The following ANAPC7 variants were observed in gnomAD, a reference collection of about 807,000 sequenced individuals.
ANAPC7 encodes the protein anaphase promoting complex subunit 7, also known as anaphase-promoting complex subunit 7.
In ANAPC7, 25 loss-of-function variants were observed where a neutral mutation model predicts 63.3. The observed-to-expected ratio is 0.39, with a 90% CI of 0.29 to 0.55. ANAPC7 has a LOEUF of 0.55. Among genes scored for constraint, ANAPC7 ranks in the 20% least tolerant of loss-of-function variants. The probability of loss-of-function intolerance (pLI) is 0.57; values close to 1 mark genes in which losing one functional copy is unlikely to be tolerated. For missense variants in ANAPC7, 516 were observed against 691.7 expected, an observed-to-expected ratio of 0.75 and a Z score of 2.85; for synonymous variants, 241 against 251.7, an observed-to-expected ratio of 0.96 and a Z score of 0.40.
At chr12:110,396,505 T>C (rs1592927317) in intron 1 of ANAPC7, 53 bp from the exon 2 acceptor site, 11 of 1,340,638 alleles carry the variant, frequency 8.2e-6, no homozygotes, top group East Asian at 2.5e-5. Context: ...CAATCCAAGC[T>C]CCCCCAGCTT....
chr12:110,380,725 C>G (rs1409055439), intron 8 of ANAPC7, among the ~76,000 whole-genome samples: 1 of 149,546 alleles, frequency 6.7e-6, no homozygotes. Context: ...GAGGCCGAGG[C>G]GGGCGGATCA....
chr12:110,387,895 A>G lies in ANAPC7; in HGVS notation c.521-3T>C. Reference sequence around the variant, plus strand: ...TTTTACAGAAAGGGACAACAAGCCTAAACCAACAGAAAGCAGAAGAAAGAA... The same window carrying G: ...TTTTACAGAAAGGGACAACAAGCCTGAACCAACAGAAAGCAGAAGAAAGAA... On this transcript the variant is annotated splice_polypyrimidine_tract_variant and splice_region_variant and intron_variant, in intron 4 of 10. Transcript: ENST00000455511. 1 of 1,612,736 alleles carries G rather than the reference A, an allele frequency of 6.2e-7. No individual in the cohort carries two copies. The highest frequency in any genetic ancestry group is 1.3e-5 in the African/African-American group (1 of 75,034).
At chr12:110,385,366 G>A (rs1174342979) in intron 6 of ANAPC7, among the ~76,000 whole-genome samples, 3 of 152,152 alleles carry the variant, frequency 2.0e-5, no homozygotes, top group Non-Finnish European at 2.9e-5. Flanking sequence ...CCCATCTCTT[G>A]CCACCATTCT....
intron 1 of ANAPC7, among the ~76,000 whole-genome samples, chr12:110,402,474 C>T (rs955591397): frequency 2.0e-5 from 3 of 151,916 alleles, no homozygotes; most frequent in African/African-American, 4.8e-5. Flanking sequence ...GGACTACAGG[C>T]GCCCGCCACC....
intron 3 of ANAPC7, among the ~76,000 whole-genome samples, chr12:110,389,081 T>TAAAAA (rs778746037): frequency 6.4e-4 from 63 of 98,178 alleles, no homozygotes; most frequent in Non-Finnish European, 8.3e-4. Context: ...GACTCCATCT[T>TAAAAA]AAAAAAAAAA....
At chr12:110,383,733 G>A (rs1429574546) in intron 6 of ANAPC7, among the ~76,000 whole-genome samples, 1 of 151,386 alleles carries the variant, frequency 6.6e-6, no homozygotes, top group South Asian at 2.1e-4. Context: ...AAAATTAGCT[G>A]GGCATGGTGG....
At chr12:110,386,542 T>C (rs1882469607) in intron 5 of ANAPC7, 73 bp from the exon 6 acceptor site, 1 of 1,285,094 alleles carries the variant, frequency 7.8e-7, no homozygotes, top group Non-Finnish European at 1.1e-6. Context: ...TCTGGATGAT[T>C]GGTCATACAG....
Position 110,387,874 on chromosome 12 carries a change from A to T in ANAPC7, c.539T>A (p.Val180Glu), listed in dbSNP as rs1882752195. Reference sequence around the variant, plus strand: ...CATGGATGCCACCTCTGCCCCTTTTACAGAAAGGGACAACAAGCCTAAACC... The same window carrying T: ...CATGGATGCCACCTCTGCCCCTTTTTCAGAAAGGGACAACAAGCCTAAACC... ...DAILGLLSLSVKGAEVASMTM... is the reference protein window; with the variant it reads ...DAILGLLSLSEKGAEVASMTM... The change falls in exon 5 of 11, where the codon GTA (valine) becomes GAA (glutamate). Residue 180 changes from valine to glutamate, a missense_variant. This residue lies in a region of ANAPC7 where 10 missense variants were observed against 30.1 expected (regional missense o/e 0.33). Transcript: ENST00000455511. The T allele has an allele frequency of 6.2e-7, 1 of 1,614,024 alleles. No homozygotes were observed.
intron 1 of ANAPC7, 48 bp from the exon 2 acceptor site, chr12:110,396,500 C>G (rs746263951): frequency 7.0e-7 from 1 of 1,425,528 alleles, no homozygotes; most frequent in Non-Finnish European, 9.5e-7. Context: ...CCTTTCAATC[C>G]AAGCTCCCCC....
chr12:110,391,985 G>A lies in ANAPC7; in HGVS notation c.408+3116C>T, dbSNP rs866900699. ...CACACGCCTGTAGTCCCAGCTACTC[G>A]GGAGGCTGAGGTAGGGGAATCGCTT... On this transcript the variant is annotated intron_variant, in intron 3 of 10. Transcript: ENST00000455511. 4.9e-4 allele frequency among the ~76,000 whole-genome samples: 74 copies of A among 151,608 alleles called. 1 individual carries two copies. Among genetic ancestry groups the A allele is most frequent in the Middle Eastern group, 3.4e-3 (1 of 292 alleles).
intron 9 of ANAPC7, 37 bp from the exon 10 acceptor site, chr12:110,376,253 A>T: frequency 6.2e-7 from 1 of 1,609,132 alleles, no homozygotes; most frequent in Non-Finnish European, 8.5e-7. Context: ...TAAGTCATGT[A>T]CAAAAAAACC....
Position 110,377,398 on chromosome 12 carries a change from A to T in ANAPC7, c.1352T>A (p.Leu451Gln), listed in dbSNP as rs1371532286. ...AGAAAATAAGACACACTTACTAAGT[A>T]GTTCTGCTTTTTTCACCACAGCCTT... ...YIKAVVKKAE[L>Q]LSREQKYEDG... Residue 451 changes from leucine (L) to glutamine (Q), a missense_variant, in exon 9 of 11, where the codon CTA becomes CAA. Leu to Gln is a moderately radical substitution (Grantham distance 113). Transcript: ENST00000455511. 1 of 1,612,514 alleles carries T rather than the reference A, an allele frequency of 6.2e-7. No homozygotes were observed. The highest frequency in any genetic ancestry group is 1.1e-5 in the South Asian group (1 of 91,052).
At chr12:110,394,528 C>T (rs887706170) in intron 3 of ANAPC7, among the ~76,000 whole-genome samples, 4 of 151,848 alleles carry the variant, frequency 2.6e-5, no homozygotes. Context: ...ACTCGGGAGG[C>T]TGAGGCAGGA....
chr12:110,396,064 T>A (rs56251637), intron 2 of ANAPC7, among the ~76,000 whole-genome samples: 1 of 152,044 alleles, frequency 6.6e-6, no homozygotes, highest in Non-Finnish European at 1.5e-5. Context: ...ATAGGGTTTG[T>A]GTTCCTATAA....
At chr12:110,403,361 T>G (rs895345776) in intron 1 of ANAPC7, among the ~76,000 whole-genome samples, 166 bp downstream of exon 1, 5 of 152,000 alleles carry the variant, frequency 3.3e-5, no homozygotes, top group Admixed American at 6.6e-5. Flanking sequence ...TGAACCCAAC[T>G]TGCGCTCCGA....
chr12:110,386,804 A>G (rs1016578125), intron 5 of ANAPC7: 2 of 190,308 alleles, frequency 1.1e-5, no homozygotes, highest in African/African-American at 4.7e-5. Context: ...ACACAAGCCC[A>G]AGTCTCTTCT....
intron 8 of ANAPC7, chr12:110,377,893 G>A: frequency 8.6e-7 from 1 of 1,166,434 alleles, no homozygotes; most frequent in African/African-American, 1.5e-5. Context: ...TGCAGCATGT[G>A]AGCACCCCAT....
chr12:110,383,090 C>T (rs1162894398), intron 6 of ANAPC7, 130 bp from the exon 7 acceptor site: 1 of 609,602 alleles, frequency 1.6e-6, no homozygotes, highest in Non-Finnish European at 2.9e-6. Flanking sequence ...GCCCTTTCCA[C>T]CATCACAGGC....
intron 3 of ANAPC7, among the ~76,000 whole-genome samples, chr12:110,393,254 G>A (rs1462265850): frequency 6.6e-6 from 1 of 152,134 alleles, no homozygotes; most frequent in Non-Finnish European, 1.5e-5. Context: ...TACCAAATGT[G>A]TACACCTATG....
Sources: allele counts gnomAD v4.1 joint callset (sites outside exome capture counted in the v4.1 genomes callset), GRCh38; gene constraint gnomAD v4.1.1; regional missense constraint gnomAD v4.1.1; transcripts MANE v1.5; gene names NCBI Gene and HGNC (gene_info 2026-07-23, HGNC 2026-07-21).